CEP170B: variants seen among roughly 807,000 people sequenced by gnomAD.
CEP170B encodes centrosomal protein of 170 kDa protein B.
In CEP170B, 55 loss-of-function variants were observed where a neutral mutation model predicts 120.6. The ratio of observed to expected loss-of-function variants is 0.46; its 90% CI spans 0.37 to 0.57. The LOEUF (loss-of-function observed/expected upper bound fraction) is 0.57. CEP170B is among the 20% of genes least tolerant of loss of function. The pLI, the probability that CEP170B is intolerant of heterozygous loss-of-function variation, is 0.00. For missense variants in CEP170B, 2,212 were observed against 2,253.3 expected (o/e 0.98, Z 0.37); for synonymous variants, 1,033 against 954.5 (o/e 1.08, Z -1.52).
At chr14:104,893,711 G>GGGGCGGGGCTCCTCGA in intron 15 of CEP170B, 45 bp downstream of exon 15, 1 of 1,586,564 alleles carries the variant, frequency 6.3e-7, no homozygotes, top group Non-Finnish European at 8.6e-7. Context: ...GGGGGGAGCA[G>GGGGCGGGGCTCCTCGA]GGGCGGGGCT....
chr14:104,887,006 GC>G lies in CEP170B; in HGVS notation c.2770del (p.Leu924TrpfsTer108). Reference sequence around the variant, plus strand: ...GAAGGAGACGGAGACGGCCCTGGCGGCCCTGGAGGCCCGACTCCTCTCTAAT... The same window carrying G: ...GAAGGAGACGGAGACGGCCCTGGCGGCCTGGAGGCCCGACTCCTCTCTAAT... ...ILKETETALA[A>X]LEARLLSNSV... On this transcript the variant is annotated frameshift_variant, in exon 12 of 19. Transcript: ENST00000414716. LOFTEE classifies it high-confidence loss of function. 6.2e-7 allele frequency: 1 copy of G among 1,609,924 alleles called. No individual in the cohort carries two copies.
In CEP170B at chr14:104,865,742, G is replaced by T. The variant is rs1026828602; in HGVS notation, c.-28+229G>T. On this transcript the variant is annotated intron_variant, in intron 1 of 18. Coordinates refer to ENST00000414716, the MANE Select transcript of CEP170B (RefSeq NM_001112726.3). This position sits in a 1 kb window ranked among gnomAD's most constrained non-coding sequence, Gnocchi z 6.7. ...CCCGTTTCTACGCGGCCTGCGGAGG[G>T]GGCGGCAAGCCTGGGCACCCGGGTC... 6.6e-6 allele frequency among the ~76,000 whole-genome samples: 1 copy of T among 152,072 alleles called. No individual in the cohort carries two copies. Among genetic ancestry groups the T allele is most frequent in the Admixed American group, 6.5e-5 (1 of 15,276 alleles).
At chr14:104,871,778 G>T (rs992726493) in intron 2 of CEP170B, among the ~76,000 whole-genome samples, 1 of 152,210 alleles carries the variant, frequency 6.6e-6, no homozygotes. Context: ...CTGAGCTGGG[G>T]CTACGGGGAT....
chr14:104,881,909 C>T (rs1896177190), intron 6 of CEP170B, among the ~76,000 whole-genome samples: 1 of 152,152 alleles, frequency 6.6e-6, no homozygotes, highest in South Asian at 2.1e-4. Context: ...GCAGTGTGCA[C>T]ATGGTTCCTG....
rs765748571 is a variant in CEP170B at position 104,894,724 on chromosome 14, C to G, written c.4431C>G (p.Ile1477Met). The G allele has an allele frequency of 3.2e-6, 5 of 1,585,130 alleles. No homozygotes were observed. Among genetic ancestry groups the G allele is most frequent in the Non-Finnish European group, 4.3e-6 (5 of 1,164,024 alleles). ...CCCCACCTCCAGTTATCAATGCCAT[C>G]GTGGACCCCAGTGGGAGCCTGGACC... Reference protein sequence around the residue: ...VQKQLEVINAIVDPSGSLDLL... With the variant: ...VQKQLEVINAMVDPSGSLDLL... The change falls in exon 19 of 19, where the codon ATC becomes ATG. Residue 1477 changes from isoleucine to methionine, a missense_variant. This residue lies in a region of CEP170B where 2,166 missense variants were observed against 2,166.7 expected (regional missense o/e 1.00). Coordinates refer to ENST00000414716, the MANE Select transcript of CEP170B (RefSeq NM_001112726.3).
chr14:104,893,991 G>A (rs566500297), intron 16 of CEP170B, 142 bp downstream of exon 16: 45 of 810,170 alleles, frequency 5.6e-5, no homozygotes, highest in Middle Eastern at 3.3e-4. Context: ...CCGTGTGCAC[G>A]TGTATGTGGC....
intron 6 of CEP170B, among the ~76,000 whole-genome samples, chr14:104,881,290 G>A (rs1158629047): frequency 2.0e-5 from 3 of 152,056 alleles, no homozygotes; most frequent in Non-Finnish European, 1.5e-5. Context: ...TGGAGGGGTC[G>A]GGGTGGGGTA....
At chr14:104,866,597 C>A (rs1346262641) in intron 1 of CEP170B, among the ~76,000 whole-genome samples, 2 of 152,206 alleles carry the variant, frequency 1.3e-5, no homozygotes, top group Non-Finnish European at 2.9e-5. Flanking sequence ...CTGGAGCTGC[C>A]TTCTCCTGGT....
chr14:104,880,896 CCA>C (rs1237289308), intron 6 of CEP170B, among the ~76,000 whole-genome samples: 2 of 150,488 alleles, frequency 1.3e-5, no homozygotes, highest in South Asian at 4.2e-4. Flanking sequence ...ACCTCTTACC[CCA>C]CACACACAGC....
intron 2 of CEP170B, among the ~76,000 whole-genome samples, chr14:104,872,077 A>G (rs1209144329): frequency 6.6e-6 from 1 of 151,278 alleles, no homozygotes; most frequent in Admixed American, 6.6e-5. Flanking sequence ...TGTGGCTGTC[A>G]CTCCTGTGGT....
chr14:104,894,724 C>T lies in CEP170B; in HGVS notation c.4431C>T (p.Ile1477=), dbSNP rs765748571. 1 of 1,585,130 alleles carries T rather than the reference C, an allele frequency of 6.3e-7. No homozygotes were observed. Among genetic ancestry groups the T allele is most frequent in the Non-Finnish European group, 8.6e-7 (1 of 1,164,024 alleles). ...VQKQLEVINA[I]VDPSGSLDLL... is the part of the protein sequence containing the mutation. ...CCCCACCTCCAGTTATCAATGCCAT[C>T]GTGGACCCCAGTGGGAGCCTGGACC... Residue 1477 remains isoleucine, a synonymous_variant, in exon 19 of 19, where the codon ATC becomes ATT. Coordinates refer to ENST00000414716, the MANE Select transcript of CEP170B (RefSeq NM_001112726.3).
At position 104,887,562 on chromosome 14, in the gene CEP170B, C is replaced by G. The variant is rs369455823; in HGVS notation, c.3323C>G (p.Ala1108Gly). 1 of 1,601,754 alleles carries G rather than the reference C, an allele frequency of 6.2e-7. No homozygotes were observed. Among genetic ancestry groups the G allele is most frequent in the Non-Finnish European group, 8.5e-7 (1 of 1,175,522 alleles). ...GCCAGCTCCCAGAAGGGGCCGCAGG[C>G]CTTGACCCGCTCCAACAGCCTGTCC... ...SSASSQKGPQ[A>G]LTRSNSLSTP... The change falls in exon 12 of 19, where the codon GCC becomes GGC. Residue 1108 changes from alanine (A) to glycine (G), a missense_variant. Ala to Gly is a moderately conservative substitution (Grantham distance 60). This residue lies in a region of CEP170B where 2,166 missense variants were observed against 2,166.7 expected (regional missense o/e 1.00). Transcript: ENST00000414716.
intron 2 of CEP170B, 141 bp from the exon 3 acceptor site, chr14:104,876,115 G>A (rs923157377): frequency 1.2e-5 from 9 of 743,848 alleles, no homozygotes; most frequent in Non-Finnish European, 1.8e-5. Context: ...TGGAGACAGG[G>A]TGGGCACAGC....
In CEP170B at chr14:104,884,520, G is replaced by C; in HGVS notation, c.1741G>C (p.Val581Leu). The stretch of plus-strand genomic sequence containing the variant: ...CGAGACCGAGGCGCAGGACACGGAG[G>C]TGGAGGAGGCCCGGAAGATGATCGA... ...TIETEAQDTE[V>L]EEARKMIDQV... is the part of the protein sequence containing the mutation. Residue 581 changes from valine (V) to leucine (L), a missense_variant, in exon 9 of 19, where the codon GTG becomes CTG. By Grantham distance (32) the Val-to-Leu change is conservative. Transcript: ENST00000414716. 1 of 1,564,184 alleles carries C rather than the reference G, an allele frequency of 6.4e-7. No individual in the cohort carries two copies.
Position 104,884,483 on chromosome 14 carries a change from G to A in CEP170B, c.1704G>A (p.Gly568=), listed in dbSNP as rs1431134002. 13 of 1,564,238 alleles carry A rather than the reference G, an allele frequency of 8.3e-6. No homozygotes were observed. Among genetic ancestry groups the A allele is most frequent in the Middle Eastern group, 1.7e-4 (1 of 5,932 alleles). The change falls in exon 9 of 19, where the codon GGG becomes GGA. Residue 568 remains glycine (G), a synonymous_variant. Coordinates refer to ENST00000414716, the MANE Select transcript of CEP170B (RefSeq NM_001112726.3). ...AGGACGACAGCCTCAGTGACGCAGG[G>A]ACATACACCATCGAGACCGAGGCGC... is the stretch of plus-strand genomic sequence containing the variant. ...QEEDDSLSDA[G]TYTIETEAQD...
chr14:104,892,654 TG>T, intron 13 of CEP170B, among the ~76,000 whole-genome samples: 1 of 152,200 alleles, frequency 6.6e-6, no homozygotes, highest in East Asian at 1.9e-4. Flanking sequence ...ATGCTGGCCC[TG>T]GGGGGCCGGA....
At position 104,886,856 on chromosome 14, in the gene CEP170B, C is replaced by G. The variant is rs751308600; in HGVS notation, c.2617C>G (p.Pro873Ala). Residue 873 changes from proline to alanine, a missense_variant, in exon 12 of 19, where the codon CCA becomes GCA. This residue lies in a region of CEP170B where 2,166 missense variants were observed against 2,166.7 expected (regional missense o/e 1.00). Coordinates refer to ENST00000414716, the MANE Select transcript of CEP170B (RefSeq NM_001112726.3). ...CCGGCAAGAGAGCTTCACTAAGGAG[C>G]CAGCCAGTGGTCCCCCAGCGCCCGG... ...FLRQESFTKE[P>A]ASGPPAPGKP... 25 of 1,610,738 alleles carry G rather than the reference C, an allele frequency of 1.6e-5. No individual in the cohort carries two copies. The Admixed American group carries it at 4.0e-4, about 26-fold the overall frequency.
At position 104,883,980 on chromosome 14, in the gene CEP170B, C is replaced by G. The variant is rs755400640; in HGVS notation, c.1201C>G (p.Gln401Glu). 1.9e-6 allele frequency: 3 copies of G among 1,610,264 alleles called. No individual in the cohort carries two copies. The highest frequency in any genetic ancestry group is 2.2e-5 in the East Asian group (1 of 44,844). Residue 401 changes from glutamine (Q) to glutamate (E), a missense_variant, in exon 9 of 19, where the codon CAG (glutamine) becomes GAG (glutamate). Gln to Glu is a conservative substitution (Grantham distance 29). Coordinates refer to ENST00000414716, the MANE Select transcript of CEP170B (RefSeq NM_001112726.3). ...GGACCCCCAGGAGCTACTACATAACCAGCAGGCCTTTGTCATCGAGTTCTT... is the reference window on the plus strand; with the variant it reads ...GGACCCCCAGGAGCTACTACATAACGAGCAGGCCTTTGTCATCGAGTTCTT... ...KRDPQELLHNQQAFVIEFFDE... is the reference protein window; with the variant it reads ...KRDPQELLHNEQAFVIEFFDE...
At chr14:104,885,641 GGACTTTCCTCTGA>G in intron 10 of CEP170B, 99 bp downstream of exon 10, 1 of 1,442,044 alleles carries the variant, frequency 6.9e-7, no homozygotes, top group Non-Finnish European at 9.2e-7. Context: ...GGGCGAGACT[GGACTTTCCTCTGA>G]GGGACACGCT....
Sources: allele counts gnomAD v4.1 joint callset (sites outside exome capture counted in the v4.1 genomes callset), GRCh38; gene constraint gnomAD v4.1.1; regional missense constraint gnomAD v4.1.1; non-coding constraint Gnocchi (gnomAD v3.1); transcripts MANE v1.5; gene names NCBI Gene and HGNC (gene_info 2026-07-23, HGNC 2026-07-21).